SLC12A6: variants seen among roughly 807,000 people sequenced by gnomAD.
SLC12A6 encodes the protein K-Cl cotransporter 3.
In SLC12A6, 66 loss-of-function variants were observed where a neutral mutation model predicts 135.3. The ratio of observed to expected loss-of-function variants is 0.49; its 90% confidence interval spans 0.40 to 0.60. The LOEUF is 0.60. Among genes scored for constraint, SLC12A6 ranks in the 20% least tolerant of loss-of-function variants. The pLI is 0.00. For synonymous variants in SLC12A6, 513 were observed against 508.8 expected (o/e 1.01, Z -0.11); for missense variants, 1,058 against 1,452.3 (o/e 0.73, Z 4.41).
chr15:34,334,891 C>G (rs1395087687), intron 2 of SLC12A6, among the ~76,000 whole-genome samples: 1 of 152,150 alleles, frequency 6.6e-6, no homozygotes, highest in East Asian at 1.9e-4. Flanking sequence ...GACAAGGAAC[C>G]TGTTCTGCTG....
intron 2 of SLC12A6, among the ~76,000 whole-genome samples, chr15:34,311,385 T>C (rs57715165): frequency 0.14 from 20,956 of 152,218 alleles, 1,578 homozygotes; most frequent in East Asian, 0.32. Flanking sequence ...TTTAAATAAA[T>C]GAATGAATGG....
At chr15:34,249,633 A>C (rs891313767) in intron 13 of SLC12A6, among the ~76,000 whole-genome samples, 12 of 152,204 alleles carry the variant, frequency 7.9e-5, no homozygotes, top group Admixed American at 2.6e-4. Context: ...AGTAAGTTTC[A>C]GGCTTTTATT....
intron 2 of SLC12A6, among the ~76,000 whole-genome samples, chr15:34,314,049 ATTTT>A (rs199648925): frequency 7.1e-6 from 1 of 140,516 alleles, no homozygotes; most frequent in Non-Finnish European, 1.5e-5. Context: ...TGGTTTATTG[ATTTT>A]TTTTTTTTTT....
At chr15:34,286,160 G>A (rs537576668) in intron 2 of SLC12A6, among the ~76,000 whole-genome samples, 3 of 151,800 alleles carry the variant, frequency 2.0e-5, no homozygotes, top group Admixed American at 6.6e-5. Context: ...TGCAACCGCC[G>A]CCTCCCGGGT....
chr15:34,290,525 G>C (rs893411932), intron 2 of SLC12A6, among the ~76,000 whole-genome samples: 2 of 152,170 alleles, frequency 1.3e-5, no homozygotes, highest in Non-Finnish European at 2.9e-5. Context: ...TTCAGTTCCT[G>C]GATATCCTTG....
intron 2 of SLC12A6, among the ~76,000 whole-genome samples, chr15:34,286,612 T>G (rs1356997195): frequency 2.6e-5 from 4 of 151,704 alleles, no homozygotes; most frequent in Non-Finnish European, 5.9e-5. Flanking sequence ...CTGGCCAGCA[T>G]GGTGAAACCC....
intron 2 of SLC12A6, among the ~76,000 whole-genome samples, chr15:34,282,397 T>C (rs1214156934): frequency 6.6e-6 from 1 of 152,192 alleles, no homozygotes; most frequent in African/African-American, 2.4e-5. Context: ...GTATAATTAG[T>C]GTCCTATGAT....
intron 2 of SLC12A6, among the ~76,000 whole-genome samples, chr15:34,323,086 G>A (rs1365808533): frequency 6.6e-6 from 1 of 151,326 alleles, no homozygotes; most frequent in Non-Finnish European, 1.5e-5. Flanking sequence ...AAATGAATAG[G>A]CAAGTCACAG....
intron 19 of SLC12A6, 107 bp downstream of exon 19, chr15:34,240,554 C>T (rs1891570907): frequency 4.0e-6 from 4 of 999,834 alleles, no homozygotes; most frequent in Non-Finnish European, 6.4e-6. Context: ...AGTGAGAAAC[C>T]TCCTAGATCA....
At chr15:34,320,347 G>C (rs1020297289) in intron 2 of SLC12A6, among the ~76,000 whole-genome samples, 1 of 152,122 alleles carries the variant, frequency 6.6e-6, no homozygotes, top group Non-Finnish European at 1.5e-5. Context: ...GCGGCAACAC[G>C]GATGGAACTG....
intron 2 of SLC12A6, among the ~76,000 whole-genome samples, chr15:34,309,890 G>A (rs939250975): frequency 6.6e-6 from 1 of 152,042 alleles, no homozygotes; most frequent in East Asian, 1.9e-4. Flanking sequence ...TTGTTAAAAG[G>A]ACTAGAAAAT....
intron 2 of SLC12A6, among the ~76,000 whole-genome samples, chr15:34,319,269 G>A (rs1469659314): frequency 1.3e-5 from 2 of 151,530 alleles, no homozygotes; most frequent in Non-Finnish European, 2.9e-5. Context: ...ACGAGTAGCT[G>A]GGACTACAGA....
chr15:34,284,928 C>T (rs186009303), intron 2 of SLC12A6, among the ~76,000 whole-genome samples: 9 of 152,216 alleles, frequency 5.9e-5, no homozygotes, highest in East Asian at 1.9e-4. Context: ...TAGTGCTAAG[C>T]GAAGCAGGTA....
intron 3 of SLC12A6, among the ~76,000 whole-genome samples, chr15:34,264,073 C>G (rs1023623848): frequency 1.1e-4 from 16 of 151,382 alleles, no homozygotes; most frequent in Admixed American, 7.9e-4. Context: ...TCAGGGTAAC[C>G]AATAATTAAA....
Position 34,230,319 on chromosome 15 carries a change from A to T in SLC12A6, c.*3562T>A, listed in dbSNP as rs1485440159. 6.4e-6 allele frequency: 1 copy of T among 156,856 alleles called. No individual in the cohort carries two copies. The highest frequency in any genetic ancestry group is 6.4e-5 in the Admixed American group (1 of 15,666). 9.7% of individuals were successfully genotyped at this position (156,856 alleles called of 1,614,324 possible). A position where few individuals can be genotyped will look rare whatever the true frequency, so the allele number is the denominator to read the frequency against. On this transcript the variant is annotated 3_prime_UTR_variant, in exon 26 of 26. Coordinates refer to ENST00000354181, the MANE Select transcript of SLC12A6 (RefSeq NM_001365088.1). ...AACCAGACAAAAGGAGCACATAAAT[A>T]TGCATACAGTGTAACTGTTATTATT...
intron 13 of SLC12A6, among the ~76,000 whole-genome samples, chr15:34,246,941 G>A (rs542626473): frequency 1.3e-5 from 2 of 152,262 alleles, no homozygotes; most frequent in East Asian, 3.9e-4. Flanking sequence ...ATGAGCCATT[G>A]TGCCCAGCTA....
rs760148830 is a variant in SLC12A6 at position 34,237,461 on chromosome 15, T to C, written c.2892A>G (p.Leu964=). 4 of 1,613,122 alleles carry C rather than the reference T, an allele frequency of 2.5e-6. No homozygotes were observed. Among genetic ancestry groups the C allele is most frequent in the African/African-American group, 1.3e-5 (1 of 75,024 alleles). The change falls in exon 22 of 26, where the codon CTA becomes CTG. Residue 964 remains leucine, a synonymous_variant. Coordinates refer to ENST00000354181, the MANE Select transcript of SLC12A6 (RefSeq NM_001365088.1). ...IQMKKDLATF[L]YHLRIEAEVE... ...CCTCCGCCTCAATGCGTAAGTGATA[T>C]AGGAAGGTGGCTAGGTCCTTCTTCA...
At chr15:34,260,086 T>C (rs1275996464) in intron 4 of SLC12A6, among the ~76,000 whole-genome samples, 4 of 152,224 alleles carry the variant, frequency 2.6e-5, no homozygotes, top group Admixed American at 2.6e-4. Context: ...TCAAATATTT[T>C]CACCATGAAA....
At chr15:34,336,139 T>C (rs574237082) in intron 2 of SLC12A6, among the ~76,000 whole-genome samples, 35 of 152,292 alleles carry the variant, frequency 2.3e-4, no homozygotes, top group Non-Finnish European at 4.7e-4. Flanking sequence ...AAAATACCCA[T>C]TTCATTTCTA....
Sources: allele counts gnomAD v4.1 joint callset (sites outside exome capture counted in the v4.1 genomes callset), GRCh38; gene constraint gnomAD v4.1.1; transcripts MANE v1.5; gene names NCBI Gene and HGNC (gene_info 2026-07-23, HGNC 2026-07-21).